The following A2M variants were observed in gnomAD, a reference collection of about 807,000 sequenced individuals.
A2M encodes the protein alpha-2-macroglobulin.
Under a neutral mutation model 183.9 loss-of-function variants are expected in A2M, and 128 were observed. The observed-to-expected ratio is 0.70, with a 90% CI of 0.60 to 0.81. The LOEUF is 0.81. A2M is among the 30% of genes least tolerant of loss of function. The probability of loss-of-function intolerance (pLI) is 0.00; values close to 1 mark genes in which losing one functional copy is unlikely to be tolerated. For missense variants in A2M, 1,495 were observed against 1,787.6 expected, an observed-to-expected ratio of 0.84 and a Z score of 2.95; for synonymous variants, 592 against 670.8, an observed-to-expected ratio of 0.88 and a Z score of 1.81.
chr12:9,078,006 C>T, intron 25 of A2M, 149 bp from the exon 26 acceptor site: 1 of 870,742 alleles, frequency 1.1e-6, no homozygotes, highest in Non-Finnish European at 1.8e-6. Flanking sequence ...TTTAGTCTGC[C>T]TGATTAATCT....
chr12:9,111,227 A>G (rs918120499), intron 4 of A2M, among the ~76,000 whole-genome samples: 14 of 152,216 alleles, frequency 9.2e-5, no homozygotes, highest in Non-Finnish European at 1.5e-5. Flanking sequence ...CTAGGTATTG[A>G]GAATATAACC....
At chr12:9,107,395 A>G (rs978654904) in intron 8 of A2M, 129 bp downstream of exon 8, 17 of 1,186,682 alleles carry the variant, frequency 1.4e-5, no homozygotes, top group Admixed American at 1.4e-4. Context: ...TTTTTTTGAA[A>G]AATTACAATA....
At position 9,071,506 on chromosome 12, in the gene A2M, TG is replaced by T. The variant is rs1388706803; in HGVS notation, c.4103+852del. The stretch of plus-strand genomic sequence containing the variant: ...TTGTTATATAGGTAAACTCGTGTCA[TG>T]GGGGTTTGGTGTACAGATTACTTTA... On this transcript the variant is annotated intron_variant, in intron 31 of 35. Coordinates refer to ENST00000318602, the MANE Select transcript of A2M (RefSeq NM_000014.6). Among the ~76,000 whole-genome samples the T allele has an allele frequency of 5.9e-5, 9 of 152,288 alleles. No homozygotes were observed. In the East Asian group the frequency reaches 1.7e-3, roughly 29 times the overall value.
intron 1 of A2M, 138 bp from the exon 2 acceptor site, chr12:9,113,681 C>A (rs226382): frequency 7.3e-6 from 6 of 827,414 alleles, no homozygotes; most frequent in Non-Finnish European, 1.1e-5. Context: ...GAAATTTGGC[C>A]GTTGAAGGCC....
chr12:9,069,425 T>C (rs1948497838), intron 33 of A2M, among the ~76,000 whole-genome samples: 4 of 152,186 alleles, frequency 2.6e-5, no homozygotes, highest in Non-Finnish European at 5.9e-5. Flanking sequence ...TAACTAATAA[T>C]TGACTAATCA....
In A2M at chr12:9,101,583, G is replaced by A. The variant is rs751382450; in HGVS notation, c.1358C>T (p.Ser453Phe). The change falls in exon 12 of 36, where the codon TCC becomes TTC. Residue 453 changes from serine (S) to phenylalanine (F), a missense_variant. Transcript: ENST00000318602. ...AAGGTGGACAAAGCTCTTGCTTGGG[G>A]AGAACACAAGATAAGCAGTGTGATG... is the stretch of plus-strand genomic sequence containing the variant. Reference protein sequence around the residue: ...EAHHTAYLVFSPSKSFVHLEP... With the variant: ...EAHHTAYLVFFPSKSFVHLEP... 5.0e-5 allele frequency: 81 copies of A among 1,613,868 alleles called. No individual in the cohort carries two copies. The highest frequency in any genetic ancestry group is 5.6e-5 in the Non-Finnish European group (66 of 1,179,892).
intron 11 of A2M, 59 bp from the exon 12 acceptor site, chr12:9,101,733 T>A: frequency 7.4e-7 from 1 of 1,350,326 alleles, no homozygotes; most frequent in African/African-American, 1.5e-5. Flanking sequence ...ATTAATGTTC[T>A]CACAAAACTA....
chr12:9,107,706 A>C (rs930753484), intron 7 of A2M, 62 bp from the exon 8 acceptor site: 4 of 1,586,642 alleles, frequency 2.5e-6, no homozygotes, highest in Admixed American at 1.7e-5. Context: ...TTTTCTAGCT[A>C]TTTATATCTC....
Position 9,109,968 on chromosome 12 carries a change from G to T in A2M, c.572C>A (p.Ser191Tyr). ...GAAGGGCTCTGATGAGAGGGGAAAA[G>T]AAAATTGCTTGAGGCCACCCTCTAA... ...FQLEGGLKQFSFPLSSEPFQG... is the reference protein window; with the variant it reads ...FQLEGGLKQFYFPLSSEPFQG... Residue 191 changes from serine (S) to tyrosine (Y), a missense_variant, in exon 6 of 36, where the codon TCT becomes TAT. Transcript: ENST00000318602. 1 of 1,613,794 alleles carries T rather than the reference G, an allele frequency of 6.2e-7. No individual in the cohort carries two copies. The highest frequency in any genetic ancestry group is 8.5e-7 in the Non-Finnish European group (1 of 1,179,794).
Position 9,101,051 on chromosome 12 carries a change from T to C in A2M, c.1558+93A>G, listed in dbSNP as rs1242470358. On this transcript the variant is annotated intron_variant, in intron 13 of 35. Transcript: ENST00000318602. ...CACCACCTGTTCCCCCAAAAACCTA[T>C]GGAAAAAAAGGGAAAGTATTCTGAT... 5.0e-6 allele frequency: 6 copies of C among 1,207,362 alleles called. No individual in the cohort carries two copies. In the Admixed American group the frequency reaches 7.5e-5, roughly 15 times the overall value. The allele number at this position is 1,207,362 out of a possible 1,614,324, so 74.8% of individuals were successfully genotyped here. A position where few individuals can be genotyped will look rare whatever the true frequency, so the allele number is the denominator to read the frequency against.
At chr12:9,080,013 T>C (rs1218949936) in intron 23 of A2M, 81 bp downstream of exon 23, 1 of 1,025,830 alleles carries the variant, frequency 9.7e-7, no homozygotes, top group African/African-American at 1.6e-5. Flanking sequence ...ATAGTATTAT[T>C]TTTAGTAAAT....
At chr12:9,083,521 A>C (rs888562701) in intron 22 of A2M, among the ~76,000 whole-genome samples, 1 of 152,106 alleles carries the variant, frequency 6.6e-6, no homozygotes, top group Non-Finnish European at 1.5e-5. Flanking sequence ...TTAAAAATTC[A>C]AAGTAAGCTC....
At chr12:9,115,584 G>A in intron 1 of A2M, 180 bp downstream of exon 1, 1 of 562,180 alleles carries the variant, frequency 1.8e-6, no homozygotes, top group South Asian at 2.1e-5. Context: ...TCAGAGAGTT[G>A]GGGAAGAATG....
intron 11 of A2M, among the ~76,000 whole-genome samples, chr12:9,103,061 T>C (rs374261015): frequency 4.6e-5 from 7 of 152,196 alleles, no homozygotes; most frequent in Non-Finnish European, 1.0e-4. Flanking sequence ...GAATAACTTA[T>C]ATTGGTATGA....
chr12:9,069,607 A>G, intron 33 of A2M, 138 bp downstream of exon 33: 1 of 569,746 alleles, frequency 1.8e-6, no homozygotes, highest in Non-Finnish European at 3.0e-6. Flanking sequence ...AGAGAAGAAC[A>G]TTCTTTTAGA....
intron 15 of A2M, among the ~76,000 whole-genome samples, chr12:9,097,388 T>C (rs992620733): frequency 9.2e-5 from 14 of 152,180 alleles, no homozygotes; most frequent in African/African-American, 3.1e-4. Context: ...TGGTCTCATA[T>C]TAAAAATTTG....
intron 28 of A2M, among the ~76,000 whole-genome samples, chr12:9,076,000 T>C (rs1948738167): frequency 6.6e-6 from 1 of 152,216 alleles, no homozygotes; most frequent in African/African-American, 2.4e-5. Context: ...ATGGACATCT[T>C]GTGATTTGCA....
chr12:9,079,954 GA>G, intron 23 of A2M, 139 bp from the exon 24 acceptor site: 1 of 1,013,366 alleles, frequency 9.9e-7, no homozygotes. Context: ...AAGTATGATT[GA>G]AAGCAATAAA....
rs977939241 is a variant in A2M at position 9,069,796 on chromosome 12, A to G, written c.4212T>C (p.His1404=). ...TGCTGCTGACTTCTGTCCGGCTCAC[A>G]TGGTTAGATCTTTCAAGCTGAAGAA... ...PTVKMLERSN[H]VSRTEVSSNH... is the part of the protein sequence containing the mutation. Residue 1404 remains histidine (H), a synonymous_variant, in exon 33 of 36, where the codon CAT becomes CAC. Coordinates refer to ENST00000318602, the MANE Select transcript of A2M (RefSeq NM_000014.6). 9 of 1,613,350 alleles carry G rather than the reference A, an allele frequency of 5.6e-6. No homozygotes were observed. The highest frequency in any genetic ancestry group is 1.7e-5 in the Admixed American group (1 of 60,008).
Sources: gnomAD v4.1 joint callset for allele counts (sites outside exome capture counted in the v4.1 genomes callset) on GRCh38, gnomAD v4.1.1 for gene constraint, MANE v1.5 for transcripts, NCBI Gene and HGNC (gene_info 2026-07-23, HGNC 2026-07-21) for gene names.